CCDC141: variants seen among roughly 807,000 people sequenced by gnomAD.
The protein encoded by CCDC141 is coiled-coil domain-containing protein 141.
CCDC141 carries 168 observed loss-of-function variants against 181.0 expected under a neutral mutation model. The ratio of observed to expected loss-of-function variants is 0.93; its 90% confidence interval spans 0.82 to 1.05. The LOEUF (loss-of-function observed/expected upper bound fraction) is 1.05. Among genes scored for constraint, CCDC141 ranks in the 50% least tolerant of loss-of-function variants. The pLI, the probability that CCDC141 is intolerant of heterozygous loss-of-function variation, is 0.00. For missense variants in CCDC141, 1,902 were observed against 1,788.5 expected (o/e 1.06, Z -1.14); for synonymous variants, 666 against 642.3 (o/e 1.04, Z -0.56).
intron 4 of CCDC141, among the ~76,000 whole-genome samples, chr2:178,969,487 C>T (rs1190977376): frequency 2.0e-5 from 3 of 152,108 alleles, no homozygotes; most frequent in South Asian, 2.1e-4. Context: ...AATCAATAAA[C>T]GTAATCCATC....
chr2:178,994,814 A>G (rs1242586879), intron 2 of CCDC141, among the ~76,000 whole-genome samples: 1 of 152,194 alleles, frequency 6.6e-6, no homozygotes, highest in African/African-American at 2.4e-5. Context: ...TAAATCATCT[A>G]TCTCAAGTTC....
intron 22 of CCDC141, among the ~76,000 whole-genome samples, chr2:178,840,581 C>T (rs1684678265): frequency 1.3e-5 from 2 of 152,136 alleles, no homozygotes; most frequent in Non-Finnish European, 2.9e-5. Context: ...TCATGAAATG[C>T]ATGGGTTCAG....
chr2:178,856,400 G>A lies in CCDC141; in HGVS notation c.2725-3C>T. 1.9e-6 allele frequency: 3 copies of A among 1,543,694 alleles called. No individual in the cohort carries two copies. In the South Asian group the frequency reaches 3.6e-5, roughly 19 times the overall value. The stretch of plus-strand genomic sequence containing the variant: ...ATATCTTTGAATGAGTCTTTGAGCT[G>A]TAGTTCAATAAAAAGAAATAGGTGG... On this transcript the variant is annotated splice_region_variant and splice_polypyrimidine_tract_variant and intron_variant, in intron 17 of 23. Coordinates refer to ENST00000443758, the MANE Select transcript of CCDC141 (RefSeq NM_173648.4).
At chr2:178,878,869 T>C (rs1686469354) in intron 11 of CCDC141, among the ~76,000 whole-genome samples, 1 of 152,144 alleles carries the variant, frequency 6.6e-6, no homozygotes, top group African/African-American at 2.4e-5. Flanking sequence ...AGAAGAAAGA[T>C]GCATACATGG....
chr2:178,882,425 T>C (rs1274188061), intron 11 of CCDC141, among the ~76,000 whole-genome samples: 1 of 152,136 alleles, frequency 6.6e-6, no homozygotes, highest in Non-Finnish European at 1.5e-5. Context: ...AGATGATTGC[T>C]GGAGCTAGAT....
chr2:178,910,557 C>T (rs970322239), intron 7 of CCDC141, among the ~76,000 whole-genome samples: 5 of 152,310 alleles, frequency 3.3e-5, no homozygotes, highest in South Asian at 2.1e-4. Context: ...GCTTCAGTTT[C>T]CTTTCCTACA....
chr2:178,855,273 A>G, intron 19 of CCDC141, 74 bp downstream of exon 19: 1 of 1,209,902 alleles, frequency 8.3e-7, no homozygotes, highest in Non-Finnish European at 1.2e-6. Flanking sequence ...AGCTAATGCA[A>G]CATTGCTTTA....
intron 6 of CCDC141, among the ~76,000 whole-genome samples, chr2:178,938,277 G>A (rs1039267871): frequency 1.3e-5 from 2 of 152,092 alleles, no homozygotes; most frequent in Non-Finnish European, 2.9e-5. Flanking sequence ...GTGTCCCAGA[G>A]ATTCTAGTAT....
At chr2:178,869,410 A>G (rs1686007434) in intron 14 of CCDC141, 105 bp from the exon 15 acceptor site, 2 of 792,078 alleles carry the variant, frequency 2.5e-6, no homozygotes, top group Non-Finnish European at 3.8e-6. Flanking sequence ...TCATTTGTTA[A>G]CAAATACTTA....
chr2:178,980,585 G>A (rs1691332532), intron 2 of CCDC141, among the ~76,000 whole-genome samples: 1 of 152,208 alleles, frequency 6.6e-6, no homozygotes, highest in South Asian at 2.1e-4. Flanking sequence ...AAAGCTTTGA[G>A]ATATTTTTAC....
intron 22 of CCDC141, among the ~76,000 whole-genome samples, chr2:178,838,882 G>A (rs1684600829): frequency 6.6e-6 from 1 of 152,170 alleles, no homozygotes; most frequent in Non-Finnish European, 1.5e-5. Context: ...AAATGTCCCT[G>A]TTGCATAGAC....
chr2:178,958,879 T>TTTC, intron 5 of CCDC141, among the ~76,000 whole-genome samples: 1 of 134,644 alleles, frequency 7.4e-6, no homozygotes, highest in South Asian at 2.2e-4. Flanking sequence ...TTTGATGAGC[T>TTTC]TTTTTTTTTT....
intron 6 of CCDC141, among the ~76,000 whole-genome samples, chr2:178,936,919 T>G (rs1689313164): frequency 6.6e-6 from 1 of 152,178 alleles, no homozygotes; most frequent in Admixed American, 6.6e-5. Context: ...TGTATAGGAA[T>G]GCTAATTATT....
downstream of CCDC141, among the ~76,000 whole-genome samples, chr2:178,828,208 G>A (rs924589349): frequency 1.3e-5 from 2 of 152,066 alleles, no homozygotes; most frequent in African/African-American, 2.4e-5. Context: ...CTAACTTCTC[G>A]GGGAGTTCCC....
chr2:178,885,637 C>T (rs1686848486), intron 10 of CCDC141, among the ~76,000 whole-genome samples: 1 of 152,128 alleles, frequency 6.6e-6, no homozygotes, highest in Non-Finnish European at 1.5e-5. Context: ...TTGACTTGCT[C>T]AGGGATGTTC....
chr2:178,958,086 C>A (rs1690234849), intron 5 of CCDC141, among the ~76,000 whole-genome samples: 1 of 152,056 alleles, frequency 6.6e-6, no homozygotes, highest in Admixed American at 6.6e-5. Context: ...TTGGACAAGG[C>A]AAAACTATGG....
At chr2:179,014,768 A>G (rs557508610) in intron 2 of CCDC141, among the ~76,000 whole-genome samples, 29 of 151,976 alleles carry the variant, frequency 1.9e-4, no homozygotes, top group African/African-American at 6.3e-4. Flanking sequence ...AAATCAAAAA[A>G]CAGTAGATGT....
At chr2:179,033,815 T>G (rs2043064375) in intron 2 of CCDC141, among the ~76,000 whole-genome samples, 1 of 152,214 alleles carries the variant, frequency 6.6e-6, no homozygotes, top group Non-Finnish European at 1.5e-5. Context: ...TCAAAAATGC[T>G]AGCTATGATC....
At chr2:178,847,475 G>A (rs979984701) in intron 21 of CCDC141, among the ~76,000 whole-genome samples, 3 of 152,088 alleles carry the variant, frequency 2.0e-5, no homozygotes, top group Admixed American at 2.0e-4. Flanking sequence ...AGGCTGCCGT[G>A]AGCCATGATA....
Sources: allele counts gnomAD v4.1 joint callset (sites outside exome capture counted in the v4.1 genomes callset), GRCh38; gene constraint gnomAD v4.1.1; transcripts MANE v1.5; gene names NCBI Gene and HGNC (gene_info 2026-07-23, HGNC 2026-07-21).